CFAP210: variants seen among roughly 807,000 people sequenced by gnomAD.
CFAP210 encodes the protein cilia and flagella associated protein 210, also known as cilia- and flagella- associated protein 210.
chr2:169,657,630 G>A, the CFAP210 span, among the ~76,000 whole-genome samples: 1 of 151,986 alleles, frequency 6.6e-6, no homozygotes, highest in Non-Finnish European at 1.5e-5. Flanking sequence ...GGCACAGGAA[G>A]TGCTTAAGCC....
the CFAP210 span, chr2:169,646,209 CTTAATA>C: frequency 3.9e-6 from 6 of 1,523,052 alleles, no homozygotes; most frequent in African/African-American, 8.3e-5. Context: ...GGAAATTTAA[CTTAATA>C]TTGGTTAAGA....
At chr2:169,661,919 G>A in the CFAP210 span, among the ~76,000 whole-genome samples, 1 of 152,198 alleles carries the variant, frequency 6.6e-6, no homozygotes, top group Non-Finnish European at 1.5e-5. Context: ...GGACTAGAAT[G>A]ACAGTTATTC....
the CFAP210 span, among the ~76,000 whole-genome samples, chr2:169,682,902 G>A: frequency 2.4e-3 from 369 of 152,182 alleles, 2 homozygotes; most frequent in African/African-American, 8.2e-3. Context: ...TCTACTGTAC[G>A]TAAAGAATTT....
chr2:169,689,279 C>CT, the CFAP210 span, among the ~76,000 whole-genome samples: 1 of 152,104 alleles, frequency 6.6e-6, no homozygotes, highest in Non-Finnish European at 1.5e-5. Context: ...TTATTTATAT[C>CT]TTTAATTTTT....
the CFAP210 span, among the ~76,000 whole-genome samples, chr2:169,676,933 C>A: frequency 2.0e-5 from 3 of 152,168 alleles, no homozygotes; most frequent in African/African-American, 7.2e-5. Flanking sequence ...GGAGGGATTA[C>A]CTTTTCCCAG....
At chr2:169,686,887 G>C in the CFAP210 span, among the ~76,000 whole-genome samples, 35 of 152,260 alleles carry the variant, frequency 2.3e-4, no homozygotes, top group Non-Finnish European at 2.9e-5. Context: ...TCATGCTGCT[G>C]ATAAAGACAT....
the CFAP210 span, among the ~76,000 whole-genome samples, chr2:169,672,360 G>A: frequency 3.9e-5 from 6 of 152,200 alleles, no homozygotes; most frequent in African/African-American, 1.2e-4. Flanking sequence ...AAGAGGGTGT[G>A]TGTGTATGTG....
the CFAP210 span, chr2:169,662,361 C>T: frequency 6.2e-7 from 1 of 1,606,032 alleles, no homozygotes; most frequent in East Asian, 2.2e-5. Context: ...ATAATGCATT[C>T]TGTCGCTTTA....
At chr2:169,684,884 G>A in the CFAP210 span, among the ~76,000 whole-genome samples, 3 of 152,120 alleles carry the variant, frequency 2.0e-5, no homozygotes, top group African/African-American at 7.2e-5. Flanking sequence ...TCAAACTCCT[G>A]GCCTCAAGTG....
the CFAP210 span, among the ~76,000 whole-genome samples, chr2:169,646,788 G>A: frequency 1.1e-4 from 16 of 152,158 alleles, no homozygotes; most frequent in South Asian, 1.0e-3. Context: ...AAATTTTGTC[G>A]TTTAATTCTT....
chr2:169,651,742 A>G, the CFAP210 span, among the ~76,000 whole-genome samples: 1 of 152,194 alleles, frequency 6.6e-6, no homozygotes, highest in Non-Finnish European at 1.5e-5. Flanking sequence ...TTTAAATAAA[A>G]TCAAGGAAAT....
chr2:169,680,150 GA>G, the CFAP210 span, among the ~76,000 whole-genome samples: 68 of 152,110 alleles, frequency 4.5e-4, no homozygotes, highest in Non-Finnish European at 9.1e-4. Context: ...ATAAGTTCAG[GA>G]AGAGATATTC....
At chr2:169,692,444 G>GCGCACACA in the CFAP210 span, among the ~76,000 whole-genome samples, 4,893 of 143,752 alleles carry the variant, frequency 0.034, 125 homozygotes, top group Admixed American at 0.051. Context: ...ACAGGCGCAC[G>GCGCACACA]CACACACACA....
chr2:169,681,706 C>T, the CFAP210 span, among the ~76,000 whole-genome samples: 1 of 152,138 alleles, frequency 6.6e-6, no homozygotes, highest in Non-Finnish European at 1.5e-5. Flanking sequence ...CACTATAGTC[C>T]CAGGGTGGGC....
chr2:169,693,335 A>T, the CFAP210 span, among the ~76,000 whole-genome samples: 2 of 152,248 alleles, frequency 1.3e-5, no homozygotes, highest in African/African-American at 4.8e-5. Flanking sequence ...ATGCATATGC[A>T]GGAAAGTGAA....
the CFAP210 span, among the ~76,000 whole-genome samples, chr2:169,649,795 G>C: frequency 6.6e-6 from 1 of 152,054 alleles, no homozygotes; most frequent in Non-Finnish European, 1.5e-5. Context: ...GCCAGTCATG[G>C]TGGCGCATGC....
chr2:169,692,185 C>T, the CFAP210 span, among the ~76,000 whole-genome samples: 1 of 152,122 alleles, frequency 6.6e-6, no homozygotes, highest in Non-Finnish European at 1.5e-5. Context: ...ATATCACTTC[C>T]CAACTGATCC....
the CFAP210 span, among the ~76,000 whole-genome samples, chr2:169,646,735 A>C: frequency 5.7e-4 from 87 of 152,358 alleles, no homozygotes; most frequent in Middle Eastern, 6.8e-3. Context: ...TGAGTGGAAT[A>C]AGTAGGCAAT....
chr2:169,685,086 A>G, the CFAP210 span, among the ~76,000 whole-genome samples: 1 of 152,252 alleles, frequency 6.6e-6, no homozygotes, highest in African/African-American at 2.4e-5. Context: ...TGTTATGAAC[A>G]TTCACAGGTT....
Sources: allele counts gnomAD v4.1 joint callset (sites outside exome capture counted in the v4.1 genomes callset), GRCh38; gene constraint gnomAD v4.1.1; transcripts MANE v1.5; gene names NCBI Gene and HGNC (gene_info 2026-07-23, HGNC 2026-07-21).